FHIT: variants seen among roughly 807,000 people sequenced by gnomAD.
The protein encoded by FHIT is bis(5'-adenosyl)-triphosphatase.
Under a neutral mutation model 17.9 loss-of-function variants are expected in FHIT, and 19 were observed. The observed-to-expected ratio is 1.06, with a 90% CI of 0.74 to 1.56. FHIT has a LOEUF of 1.56. FHIT is among the 40% of genes most tolerant of loss of function. The pLI, the probability that FHIT is intolerant of heterozygous loss-of-function variation, is 0.00. For synonymous variants in FHIT, 81 were observed against 69.7 expected (o/e 1.16, Z -0.81); for missense variants, 248 against 189.2 (o/e 1.31, Z -1.82).
At position 60,738,967 on chromosome 3, in the gene FHIT, GA is replaced by G. The variant is rs34418330; in HGVS notation, c.-18+82951del. ...AGGCTCCAGGAGCAGACAAGGAGAA[GA>G]GGAGAAAAGCAGACAAATGACACAA... is the stretch of plus-strand genomic sequence containing the variant. On this transcript the variant is annotated intron_variant, in intron 4 of 9. Transcript: ENST00000492590. Among the ~76,000 whole-genome samples, 1,282 of 152,298 alleles carry G rather than the reference GA, an allele frequency of 8.4e-3. 26 individuals carry two copies. The highest frequency in any genetic ancestry group is 0.029 in the African/African-American group (1,209 of 41,570).
chr3:60,865,486 C>G (rs1267014904), intron 3 of FHIT, among the ~76,000 whole-genome samples: 1 of 152,086 alleles, frequency 6.6e-6, no homozygotes, highest in Non-Finnish European at 1.5e-5. Flanking sequence ...TAATAAAATT[C>G]AGTTTATTTT....
intron 3 of FHIT, among the ~76,000 whole-genome samples, chr3:61,035,462 T>G (rs1223163581): frequency 6.6e-6 from 1 of 152,166 alleles, no homozygotes; most frequent in Admixed American, 6.6e-5. Flanking sequence ...TACCCAAAAT[T>G]TACTTTGCAT....
At position 60,437,981 on chromosome 3, in the gene FHIT, T is replaced by C. The variant is rs182665626; in HGVS notation, c.103+98879A>G. Among the ~76,000 whole-genome samples the C allele has an allele frequency of 3.4e-3, 521 of 152,224 alleles. 3 individuals carry two copies. Among genetic ancestry groups the C allele is most frequent in the African/African-American group, 0.012 (491 of 41,554 alleles). On this transcript the variant is annotated intron_variant, in intron 5 of 9. Transcript: ENST00000492590. Reference sequence around the variant, plus strand: ...TTTTTAAAATTAAGATACAGTATGATTGTATAAACATATGTAAACTTTCAT... The same window carrying C: ...TTTTTAAAATTAAGATACAGTATGACTGTATAAACATATGTAAACTTTCAT...
At chr3:60,590,277 C>G (rs1413712880) in intron 4 of FHIT, among the ~76,000 whole-genome samples, 5 of 152,056 alleles carry the variant, frequency 3.3e-5, no homozygotes, top group African/African-American at 1.2e-4. Context: ...TACTCACAGA[C>G]TCAGTGGTCT....
chr3:61,071,741 G>A (rs143440738), intron 2 of FHIT, among the ~76,000 whole-genome samples: 80 of 152,234 alleles, frequency 5.3e-4, no homozygotes, highest in Non-Finnish European at 1.1e-3. Flanking sequence ...AAAATGATCA[G>A]TACATATTTT....
chr3:60,814,230 G>A (rs1701662454), intron 4 of FHIT, among the ~76,000 whole-genome samples: 1 of 151,966 alleles, frequency 6.6e-6, no homozygotes, highest in African/African-American at 2.4e-5. Flanking sequence ...TTAGATTCAG[G>A]GGGTATATTT....
intron 5 of FHIT, among the ~76,000 whole-genome samples, chr3:60,358,533 A>G (rs1416055289): frequency 6.6e-6 from 1 of 152,210 alleles, no homozygotes; most frequent in African/African-American, 2.4e-5. Flanking sequence ...CATTGAGCAA[A>G]TATTACTGTG....
chr3:60,735,572 C>T (rs1294496744), intron 4 of FHIT, among the ~76,000 whole-genome samples: 2 of 152,198 alleles, frequency 1.3e-5, no homozygotes, highest in Non-Finnish European at 2.9e-5. Context: ...AAACTTTGAG[C>T]GTCTAGCGGC....
intron 1 of FHIT, among the ~76,000 whole-genome samples, chr3:61,218,267 G>T (rs989493386): frequency 6.6e-6 from 1 of 152,112 alleles, no homozygotes; most frequent in Non-Finnish European, 1.5e-5. Context: ...ATAAGAGAGA[G>T]AACAGTTGCC....
At chr3:60,740,584 G>A (rs2042221510) in intron 4 of FHIT, among the ~76,000 whole-genome samples, 1 of 152,122 alleles carries the variant, frequency 6.6e-6, no homozygotes, top group Non-Finnish European at 1.5e-5. Flanking sequence ...TCATCTTTAA[G>A]TCTACAGTTC....
chr3:61,223,127 C>T (rs1437248229), intron 1 of FHIT, among the ~76,000 whole-genome samples: 1 of 152,120 alleles, frequency 6.6e-6, no homozygotes, highest in East Asian at 1.9e-4. Flanking sequence ...AATTAATTAA[C>T]AATAGAAACA....
intron 8 of FHIT, among the ~76,000 whole-genome samples, chr3:59,759,723 A>G (rs1432427292): frequency 1.3e-5 from 2 of 151,918 alleles, no homozygotes; most frequent in East Asian, 3.9e-4. Flanking sequence ...CTTTCAGTAC[A>G]TGTTTCCTGC....
At chr3:60,227,421 G>A (rs1704264551) in intron 5 of FHIT, among the ~76,000 whole-genome samples, 1 of 152,246 alleles carries the variant, frequency 6.6e-6, no homozygotes, top group Admixed American at 6.5e-5. Flanking sequence ...AGAAATGAAA[G>A]CTTCCTGAAT....
chr3:61,010,508 T>G (rs2031729651), intron 3 of FHIT, among the ~76,000 whole-genome samples: 3 of 152,226 alleles, frequency 2.0e-5, no homozygotes, highest in Admixed American at 6.5e-5. Context: ...TTAAGTAACA[T>G]GCACAGCCAC....
intron 5 of FHIT, among the ~76,000 whole-genome samples, chr3:60,278,190 G>C (rs531400717): frequency 5.9e-5 from 9 of 152,248 alleles, no homozygotes; most frequent in African/African-American, 2.2e-4. Context: ...ATACTTTTCT[G>C]AGTTTTATGT....
intron 5 of FHIT, among the ~76,000 whole-genome samples, chr3:60,528,769 T>A (rs2035666244): frequency 6.6e-6 from 1 of 152,164 alleles, no homozygotes; most frequent in Non-Finnish European, 1.5e-5. Context: ...TACACAAGTA[T>A]TACTTATTAC....
At chr3:60,854,166 T>C (rs1224032560) in intron 3 of FHIT, among the ~76,000 whole-genome samples, 13 of 152,124 alleles carry the variant, frequency 8.5e-5, no homozygotes, top group Admixed American at 7.2e-4. Context: ...ATGGTAACAC[T>C]GATAGAGTAA....
intron 3 of FHIT, among the ~76,000 whole-genome samples, chr3:60,966,169 C>T (rs2107515657): frequency 6.6e-6 from 1 of 152,324 alleles, no homozygotes; most frequent in South Asian, 2.1e-4. Flanking sequence ...TCACTGCCAC[C>T]TTGTGGTTCG....
At chr3:60,548,666 T>C (rs1392410091) in intron 4 of FHIT, among the ~76,000 whole-genome samples, 1 of 152,038 alleles carries the variant, frequency 6.6e-6, no homozygotes, top group Non-Finnish European at 1.5e-5. Context: ...CACTTGAGAG[T>C]TGTAAGAAAT....
Sources: allele counts gnomAD v4.1 joint callset (sites outside exome capture counted in the v4.1 genomes callset), GRCh38; gene constraint gnomAD v4.1.1; transcripts MANE v1.5; gene names NCBI Gene and HGNC (gene_info 2026-07-23, HGNC 2026-07-21).